Variants in SIK3 observed in about 807,000 individuals in gnomAD.
The protein encoded by SIK3 is SIK family kinase 3.
SIK3 carries 28 observed loss-of-function variants against 144.2 expected under a neutral mutation model. The ratio of observed to expected loss-of-function variants is 0.19; its 90% CI spans 0.14 to 0.27. SIK3 has a LOEUF of 0.27. Among genes scored for constraint, SIK3 ranks in the 10% least tolerant of loss-of-function variants. The pLI is 1.00. For missense variants in SIK3, 1,319 were observed against 1,776.0 expected (o/e 0.74, Z 4.62); for synonymous variants, 686 against 676.3 (o/e 1.01, Z -0.22).
intron 1 of SIK3, among the ~76,000 whole-genome samples, chr11:116,999,397 T>G (rs530554580): frequency 6.6e-6 from 1 of 152,076 alleles, no homozygotes; most frequent in African/African-American, 2.4e-5. Context: ...CTAAAAAAAA[T>G]TTTTTTAATC....
intron 1 of SIK3, among the ~76,000 whole-genome samples, chr11:117,033,090 G>A (rs1952333907): frequency 6.6e-6 from 1 of 152,168 alleles, no homozygotes; most frequent in African/African-American, 2.4e-5. Flanking sequence ...TGTAGAATGT[G>A]AAATTCTTTA....
At chr11:116,918,982 C>G (rs1565451717) in intron 4 of SIK3, among the ~76,000 whole-genome samples, 1 of 152,126 alleles carries the variant, frequency 6.6e-6, no homozygotes, top group Non-Finnish European at 1.5e-5. Context: ...ATTAAAATTC[C>G]TAGACTCTAT....
At chr11:117,047,397 G>A (rs1402054946) in intron 1 of SIK3, among the ~76,000 whole-genome samples, 4 of 152,212 alleles carry the variant, frequency 2.6e-5, no homozygotes, top group African/African-American at 7.2e-5. Flanking sequence ...AGGTATGGCT[G>A]TCTTCTGTTA....
chr11:116,861,158 C>A (rs1052848119), intron 19 of SIK3, 116 bp downstream of exon 19: 2 of 821,578 alleles, frequency 2.4e-6, no homozygotes, highest in Non-Finnish European at 3.9e-6. Flanking sequence ...AGAGTCCATA[C>A]CCCTGAATAC....
At chr11:117,010,297 G>A (rs1458607352) in intron 1 of SIK3, among the ~76,000 whole-genome samples, 1 of 152,150 alleles carries the variant, frequency 6.6e-6, no homozygotes, top group Non-Finnish European at 1.5e-5. Flanking sequence ...GAGTAATGAA[G>A]GTTTTAGAGA....
intron 1 of SIK3, among the ~76,000 whole-genome samples, chr11:116,992,050 A>T (rs888869062): frequency 6.6e-6 from 1 of 152,176 alleles, no homozygotes; most frequent in Non-Finnish European, 1.5e-5. Flanking sequence ...GTGGCCGGGC[A>T]TGGTGGCTCA....
At chr11:116,944,121 T>C (rs1439161515) in intron 3 of SIK3, among the ~76,000 whole-genome samples, 2 of 152,092 alleles carry the variant, frequency 1.3e-5, no homozygotes, top group Non-Finnish European at 2.9e-5. Flanking sequence ...CAAGGTGTAA[T>C]GTAGTTTTAT....
chr11:116,886,335 T>C (rs1944817917), intron 6 of SIK3, among the ~76,000 whole-genome samples: 1 of 152,172 alleles, frequency 6.6e-6, no homozygotes, highest in South Asian at 2.1e-4. Context: ...GGAGACTTGG[T>C]GGGTGAGCCA....
chr11:116,960,551 A>C (rs945296841), intron 1 of SIK3, among the ~76,000 whole-genome samples: 1 of 152,234 alleles, frequency 6.6e-6, no homozygotes, highest in African/African-American at 2.4e-5. Flanking sequence ...AAACAAAAAA[A>C]CCAAAGTGAA....
chr11:117,089,181 A>G (rs1405049462), intron 1 of SIK3, among the ~76,000 whole-genome samples: 1 of 152,042 alleles, frequency 6.6e-6, no homozygotes, highest in African/African-American at 2.4e-5. Context: ...TGAGGCGGGC[A>G]GATCACGAGG....
chr11:117,068,576 C>T (rs1438856196), intron 1 of SIK3, among the ~76,000 whole-genome samples: 2 of 152,140 alleles, frequency 1.3e-5, no homozygotes, highest in African/African-American at 2.4e-5. Flanking sequence ...TAGCGAGACC[C>T]TATCTCTAAA....
chr11:116,906,983 A>G (rs1210540859), intron 4 of SIK3, among the ~76,000 whole-genome samples: 1 of 152,220 alleles, frequency 6.6e-6, no homozygotes, highest in Non-Finnish European at 1.5e-5. Context: ...GGAGGGAGCC[A>G]TGTATCCCAG....
chr11:116,848,455 A>G (rs1470577662), intron 22 of SIK3, among the ~76,000 whole-genome samples: 3 of 152,200 alleles, frequency 2.0e-5, no homozygotes, highest in Admixed American at 6.5e-5. Flanking sequence ...ACATGTGGCT[A>G]GCTACTAGAC....
intron 1 of SIK3, among the ~76,000 whole-genome samples, chr11:117,072,388 AAAAAAT>A (rs913853468): frequency 8.5e-5 from 13 of 152,200 alleles, no homozygotes; most frequent in South Asian, 2.1e-4. Flanking sequence ...TCCGTCTCAA[AAAAAAT>A]AAAAATAAAA....
At chr11:117,023,147 T>A (rs1951844056) in intron 1 of SIK3, among the ~76,000 whole-genome samples, 1 of 152,182 alleles carries the variant, frequency 6.6e-6, no homozygotes, top group Admixed American at 6.6e-5. Flanking sequence ...AAGTCAATCA[T>A]TCTTATTAGC....
intron 4 of SIK3, among the ~76,000 whole-genome samples, chr11:116,918,571 G>A (rs898368539): frequency 6.6e-6 from 1 of 152,162 alleles, no homozygotes; most frequent in Non-Finnish European, 1.5e-5. Context: ...TAATAGAGAA[G>A]TCACTCTGCA....
At chr11:116,929,146 G>A (rs563205766) in intron 3 of SIK3, among the ~76,000 whole-genome samples, 2 of 152,218 alleles carry the variant, frequency 1.3e-5, no homozygotes, top group Admixed American at 6.5e-5. Context: ...GAGGTAGAAT[G>A]CTATGTTTTA....
chr11:116,847,641 C>T (rs1377110323), intron 22 of SIK3, 33 bp from the exon 23 acceptor site: 5 of 1,612,810 alleles, frequency 3.1e-6, no homozygotes, highest in Admixed American at 3.3e-5. Flanking sequence ...GAAATAAGCA[C>T]ACAAGACACC....
intron 1 of SIK3, among the ~76,000 whole-genome samples, chr11:117,063,661 C>G (rs1266199039): frequency 1.3e-5 from 2 of 150,804 alleles, no homozygotes; most frequent in Admixed American, 1.3e-4. Flanking sequence ...TCTCGGCTCA[C>G]TGCAACCTCT....
Sources: allele counts gnomAD v4.1 joint callset (sites outside exome capture counted in the v4.1 genomes callset), GRCh38; gene constraint gnomAD v4.1.1; transcripts MANE v1.5; gene names NCBI Gene and HGNC (gene_info 2026-07-23, HGNC 2026-07-21).